The following MYOT variants were observed in gnomAD, a reference collection of about 807,000 sequenced individuals.
MYOT encodes 57 kDa cytoskeletal protein.
A neutral mutation model predicts 58.0 loss-of-function variants in MYOT; 36 were observed. That is an observed-to-expected ratio of 0.62 (90% CI 0.48 to 0.82). The LOEUF is 0.82. Ranked by LOEUF, MYOT falls within the 40% of genes least tolerant of loss-of-function variation. The pLI is 0.00. For missense variants in MYOT, 505 were observed against 592.1 expected, an observed-to-expected ratio of 0.85 and a Z score of 1.53; for synonymous variants, 218 against 204.6, an observed-to-expected ratio of 1.07 and a Z score of -0.56.
At chr5:137,870,342 A>G in intron 1 of MYOT, 99 bp from the exon 2 acceptor site, 1 of 426,128 alleles carries the variant, frequency 2.3e-6, no homozygotes. Context: ...GAAGGAAGGA[A>G]AGAAAGGAAA....
At chr5:137,877,367 CAAAAAAAAAAA>C (rs1172576383) in intron 3 of MYOT, among the ~76,000 whole-genome samples, 142 bp from the exon 4 acceptor site, 1 of 42,116 alleles carries the variant, frequency 2.4e-5, no homozygotes, top group Non-Finnish European at 5.6e-5. Flanking sequence ...GACTCCGTCT[CAAAAAAAAAAA>C]AAAAAAAAAA....
In MYOT at chr5:137,887,498, A is replaced by T; in HGVS notation, c.*113A>T. 1.3e-6 allele frequency: 1 copy of T among 765,886 alleles called. No homozygotes were observed. Among genetic ancestry groups the T allele is most frequent in the Non-Finnish European group, 2.0e-6 (1 of 500,668 alleles). 47.4% of individuals were successfully genotyped at this position (765,886 alleles called of 1,614,324 possible). On this transcript the variant is annotated 3_prime_UTR_variant, in exon 10 of 10. Coordinates refer to ENST00000239926, the MANE Select transcript of MYOT (RefSeq NM_006790.3). ...AACAGATTATGGTTTTAATTAGGTA[A>T]TATAGTTAATATATATTTATAATAT...
chr5:137,883,112 T>C (rs1385657243), intron 6 of MYOT: 1 of 401,856 alleles, frequency 2.5e-6, no homozygotes, highest in African/African-American at 2.1e-5. Flanking sequence ...TAAATTAATG[T>C]TCTAAATATA....
Position 137,877,515 on chromosome 5 carries a change from T to C in MYOT, c.532-5T>C, listed in dbSNP as rs1313241093. 2 of 1,601,286 alleles carry C rather than the reference T, an allele frequency of 1.2e-6. No homozygotes were observed. The highest frequency in any genetic ancestry group is 1.7e-5 in the Admixed American group (1 of 59,980). ...CTAATTACTGTCTCAATAAATTCTC[T>C]AAAGCGTCTAACATATGAAGAGAAG... On this transcript the variant is annotated splice_polypyrimidine_tract_variant and splice_region_variant and intron_variant, in intron 3 of 9. Coordinates refer to ENST00000239926, the MANE Select transcript of MYOT (RefSeq NM_006790.3).
At position 137,870,460 on chromosome 5, in the gene MYOT, A is replaced by G; in HGVS notation, c.-192A>G. The G allele has an allele frequency of 3.2e-6, 2 of 633,936 alleles. No homozygotes were observed. 39.3% of individuals were successfully genotyped at this position (633,936 alleles called of 1,614,324 possible). ...TTGAAGGAACAATATTCTTCAAGAG[A>G]AGGTCACTCTACCAAAGCCAGGAGC... is the stretch of plus-strand genomic sequence containing the variant. On this transcript the variant is annotated 5_prime_UTR_variant, in exon 2 of 10. Coordinates refer to ENST00000239926, the MANE Select transcript of MYOT (RefSeq NM_006790.3).
At chr5:137,887,023 T>A in intron 9 of MYOT, 26 bp downstream of exon 9, 1 of 1,602,894 alleles carries the variant, frequency 6.2e-7, no homozygotes, top group Non-Finnish European at 8.5e-7. Flanking sequence ...AACCAAAGTA[T>A]TATAAGGGAT....
At chr5:137,873,251 C>T (rs537817148) in intron 2 of MYOT, among the ~76,000 whole-genome samples, 71 of 151,266 alleles carry the variant, frequency 4.7e-4, no homozygotes, top group African/African-American at 1.6e-3. Context: ...TAGGCTAGGC[C>T]AGGTGTGGCT....
At chr5:137,877,859 TG>T (rs1755282896) in intron 4 of MYOT, among the ~76,000 whole-genome samples, 1 of 152,166 alleles carries the variant, frequency 6.6e-6, no homozygotes, top group Non-Finnish European at 1.5e-5. Context: ...AGAAGTCTAA[TG>T]GTATTATTTT....
rs71578935 is a variant in MYOT, at chr5:137,875,917, G to C, written c.445G>C (p.Glu149Gln). The change falls in exon 3 of 10, where the codon GAA becomes CAA. Residue 149 changes from glutamate to glutamine, a missense_variant. By Grantham distance (29) the Glu-to-Gln change is conservative (BLOSUM62 2). Transcript: ENST00000239926. Reference protein sequence around the residue: ...AKPIPRTPDHEIQGSKEALIQ... With the variant: ...AKPIPRTPDHQIQGSKEALIQ... ...GCCCATACCAAGAACTCCTGATCAT[G>C]AAATACAAGGATCAAAAGAAGCTTT... The C allele has an allele frequency of 1.8e-3, 2,964 of 1,614,074 alleles. 9 individuals are homozygous for C. Among genetic ancestry groups the C allele is most frequent in the Middle Eastern group, 4.8e-3 (29 of 6,060 alleles).
At position 137,875,977 on chromosome 5, in the gene MYOT, G is replaced by C. The variant is rs767318819; in HGVS notation, c.505G>C (p.Asp169His). ...TTTGGAAAGAAAGCTGAAATGCAAG[G>C]ACACCCTTCTTCATAATGGAAATCA... is the stretch of plus-strand genomic sequence containing the variant. ...QDLERKLKCKDTLLHNGNQRL... is the reference protein window; with the variant it reads ...QDLERKLKCKHTLLHNGNQRL... Residue 169 changes from aspartate to histidine, a missense_variant, in exon 3 of 10, where the codon GAC (aspartate) becomes CAC (histidine). Transcript: ENST00000239926. The C allele has an allele frequency of 6.2e-7, 1 of 1,613,960 alleles. No individual in the cohort carries two copies. Among genetic ancestry groups the C allele is most frequent in the East Asian group, 2.2e-5 (1 of 44,840 alleles).
At position 137,877,567 on chromosome 5, in the gene MYOT, G is replaced by A; in HGVS notation, c.579G>A (p.Gln193=). Residue 193 remains glutamine, a synonymous_variant, in exon 4 of 10, where the codon CAG becomes CAA. Coordinates refer to ENST00000239926, the MANE Select transcript of MYOT (RefSeq NM_006790.3). ...EKMARRLLGP[Q]NAAAVFQAQD... ...TGGCTCGCAGATTGCTAGGACCACA[G>A]AATGCAGCTGCTGTGTTTCAAGCTC... 6.2e-7 allele frequency: 1 copy of A among 1,614,038 alleles called. No individual in the cohort carries two copies.
intron 7 of MYOT, among the ~76,000 whole-genome samples, chr5:137,885,759 G>A (rs570112020): frequency 2.3e-4 from 24 of 106,580 alleles, no homozygotes; most frequent in Admixed American, 1.7e-3. Context: ...GCAAAAGAGC[G>A]AGACTCTGTC....
Position 137,886,094 on chromosome 5 carries a change from CAA to C in MYOT, c.1076_1077del (p.Lys359SerfsTer27). On this transcript the variant is annotated frameshift_variant, in exon 8 of 10. Transcript: ENST00000239926. LOFTEE classifies it high-confidence loss of function. ...APMFIYKPQS[K>X]KVLEGDSVKL... is the part of the protein sequence containing the mutation. ...CAATGTTTATCTACAAACCACAGAG[CAA>C]AAAAGTTTTAGAGGGAGATTCAGTG... is the stretch of plus-strand genomic sequence containing the variant. The C allele has an allele frequency of 6.2e-7, 1 of 1,609,442 alleles. No homozygotes were observed. Among genetic ancestry groups the C allele is most frequent in the Non-Finnish European group, 8.5e-7 (1 of 1,176,378 alleles).
chr5:137,870,624 G>A lies in MYOT; in HGVS notation c.-28G>A, dbSNP rs769624886. The stretch of plus-strand genomic sequence containing the variant: ...GAACAAATCATTATAGTAATAATTT[G>A]CCTTCATCTTCCATATACCAACTAA... On this transcript the variant is annotated 5_prime_UTR_variant, in exon 2 of 10. Coordinates refer to ENST00000239926, the MANE Select transcript of MYOT (RefSeq NM_006790.3). The A allele has an allele frequency of 2.5e-6, 4 of 1,573,026 alleles. No individual in the cohort carries two copies. Among genetic ancestry groups the A allele is most frequent in the African/African-American group, 1.4e-5 (1 of 73,936 alleles).
intron 2 of MYOT, among the ~76,000 whole-genome samples, chr5:137,873,649 A>T (rs1017969212): frequency 6.7e-5 from 10 of 150,202 alleles, no homozygotes; most frequent in Admixed American, 2.7e-4. Context: ...TTCAATCTTT[A>T]AAAAAAAAAT....
intron 2 of MYOT, among the ~76,000 whole-genome samples, chr5:137,872,739 T>C (rs977211698): frequency 2.0e-5 from 3 of 152,210 alleles, no homozygotes; most frequent in Admixed American, 2.0e-4. Context: ...GAAAGCTTTA[T>C]TTAGATTTTC....
At chr5:137,876,069 G>T (rs1201807663) in intron 3 of MYOT, 66 bp downstream of exon 3, 2 of 1,525,692 alleles carry the variant, frequency 1.3e-6, no homozygotes, top group Non-Finnish European at 1.8e-6. Flanking sequence ...TAATAAGGAA[G>T]TTCTAGCTCA....
chr5:137,882,452 C>CA (rs1755467107), intron 6 of MYOT, among the ~76,000 whole-genome samples: 1 of 144,280 alleles, frequency 6.9e-6, no homozygotes, highest in South Asian at 2.2e-4. Context: ...GTACAATGCC[C>CA]TTTTTTTTTT....
rs568460590 is a variant in MYOT at position 137,871,315 on chromosome 5, C to CT, written c.356+312dup. Among the ~76,000 whole-genome samples, 278 of 152,282 alleles carry CT rather than the reference C, an allele frequency of 1.8e-3. 1 individual carries two copies. Among genetic ancestry groups the CT allele is most frequent in the African/African-American group, 6.5e-3 (270 of 41,570 alleles). ...TTCTCACATACCAAAGAACAATGAACTTTTCCTTTAGTTCTAAGCTAAGCT... is the reference window on the plus strand; with the variant it reads ...TTCTCACATACCAAAGAACAATGAACTTTTTCCTTTAGTTCTAAGCTAAGCT... On this transcript the variant is annotated intron_variant, in intron 2 of 9. Coordinates refer to ENST00000239926, the MANE Select transcript of MYOT (RefSeq NM_006790.3).
Sources: gnomAD v4.1 joint callset for allele counts (sites outside exome capture counted in the v4.1 genomes callset) on GRCh38, gnomAD v4.1.1 for gene constraint, MANE v1.5 for transcripts, NCBI Gene and HGNC (gene_info 2026-07-23, HGNC 2026-07-21) for gene names.